PRXL2C: variants seen among roughly 807,000 people sequenced by gnomAD.
The protein encoded by PRXL2C is peroxiredoxin like 2C.
PRXL2C carries 38 observed loss-of-function variants against 24.9 expected under a neutral mutation model. The observed-to-expected ratio is 1.53, with a 90% CI of 1.18 to 2.00. PRXL2C has a LOEUF of 2.00. Ranked by LOEUF, PRXL2C falls within the 30% of genes most tolerant of loss-of-function variation. PRXL2C has a pLI of 0.00. For synonymous variants in PRXL2C, 98 were observed against 117.2 expected (o/e 0.84, Z 1.06); for missense variants, 294 against 290.9 (o/e 1.01, Z -0.08).
At chr9:96,653,965 C>T (rs1453721935) in intron 2 of PRXL2C, among the ~76,000 whole-genome samples, 1 of 152,030 alleles carries the variant, frequency 6.6e-6, no homozygotes, top group African/African-American at 2.4e-5. Flanking sequence ...CTCAGCCTCC[C>T]GAGTAGCTGG....
chr9:96,652,263 G>A (rs76715703), intron 2 of PRXL2C, among the ~76,000 whole-genome samples: 7,610 of 152,230 alleles, frequency 0.05, 633 homozygotes, highest in African/African-American at 0.17. Context: ...GGTGGCTTAC[G>A]CCTGTAATCC....
intron 4 of PRXL2C, among the ~76,000 whole-genome samples, chr9:96,650,261 G>A (rs1287653092): frequency 6.6e-6 from 1 of 152,104 alleles, no homozygotes; most frequent in African/African-American, 2.4e-5. Context: ...TGTCCTCCTG[G>A]GAGCATCCAA....
rs936858948 is a variant in PRXL2C at position 96,655,213 on chromosome 9, G to A, written c.69C>T (p.Gly23=). 9.5e-6 allele frequency: 11 copies of A among 1,161,736 alleles called. No individual in the cohort carries two copies. The highest frequency in any genetic ancestry group is 4.9e-5 in the African/African-American group (3 of 61,532). 72.0% of individuals were successfully genotyped at this position (1,161,736 alleles called of 1,614,324 possible). The change falls in exon 1 of 6, where the codon GGC becomes GGT. Residue 23 remains glycine, a synonymous_variant. Coordinates refer to ENST00000375234, the MANE Select transcript of PRXL2C (RefSeq NM_153698.2). The stretch of plus-strand genomic sequence containing the variant: ...CCGCCAGGGGCTGCCCGCTGTCGGG[G>A]CCGCTCGGGGCCGGGACCAGGGCGG... The part of the protein sequence containing the change: ...GAAALVPAPS[G]PDSGQPLAAA...
intron 4 of PRXL2C, among the ~76,000 whole-genome samples, chr9:96,649,245 C>T (rs1006600236): frequency 1.3e-5 from 2 of 151,702 alleles, no homozygotes; most frequent in Non-Finnish European, 2.9e-5. Context: ...TAGTTCTGAT[C>T]AAGTTTAGGT....
intron 4 of PRXL2C, 141 bp downstream of exon 4, chr9:96,651,249 G>T: frequency 1.6e-6 from 1 of 630,948 alleles, no homozygotes; most frequent in Non-Finnish European, 2.7e-6. Context: ...CTGCACTCCT[G>T]CCCCAGCAAC....
In PRXL2C at chr9:96,645,116, A is replaced by G. The variant is rs377203847; in HGVS notation, c.553+777T>C. Reference sequence around the variant, plus strand: ...AGTAGAGACGGGGTTTCACCGTGTTAGCCAGGATGGTCTTGATCTCCTGAC... The same window carrying G: ...AGTAGAGACGGGGTTTCACCGTGTTGGCCAGGATGGTCTTGATCTCCTGAC... On this transcript the variant is annotated intron_variant, in intron 5 of 5. Coordinates refer to ENST00000375234, the MANE Select transcript of PRXL2C (RefSeq NM_153698.2). Among the ~76,000 whole-genome samples the G allele has an allele frequency of 6.5e-4, 98 of 151,182 alleles. 1 individual carries two copies. The South Asian group carries it at 6.9e-3, about 11-fold the overall frequency.
chr9:96,647,225 T>G (rs1848210195), intron 4 of PRXL2C, among the ~76,000 whole-genome samples: 1 of 152,194 alleles, frequency 6.6e-6, no homozygotes, highest in African/African-American at 2.4e-5. Flanking sequence ...CTATTTCTGT[T>G]ATCACAGTGG....
At chr9:96,643,750 T>C (rs1219893874) in intron 5 of PRXL2C, among the ~76,000 whole-genome samples, 1 of 152,208 alleles carries the variant, frequency 6.6e-6, no homozygotes. Context: ...TATAAATTCA[T>C]GAGAGGGAGG....
intron 4 of PRXL2C, 111 bp from the exon 5 acceptor site, chr9:96,646,135 A>C: frequency 1.6e-6 from 2 of 1,213,874 alleles, no homozygotes; most frequent in South Asian, 1.6e-5. Context: ...ATGGTTTCTC[A>C]ATCTTTTACC....
chr9:96,643,187 G>A (rs1404691800), intron 5 of PRXL2C, among the ~76,000 whole-genome samples: 6 of 152,094 alleles, frequency 3.9e-5, no homozygotes, highest in African/African-American at 1.4e-4. Flanking sequence ...GGATGCTGAG[G>A]GATGACTGAA....
intron 5 of PRXL2C, among the ~76,000 whole-genome samples, chr9:96,644,189 T>C (rs187334491): frequency 2.6e-5 from 4 of 151,292 alleles, no homozygotes; most frequent in Non-Finnish European, 4.4e-5. Flanking sequence ...ATAACTCTTA[T>C]AAGCTATGCT....
At position 96,645,067 on chromosome 9, in the gene PRXL2C, C is replaced by T. The variant is rs1476656879; in HGVS notation, c.553+826G>A. 4.0e-5 allele frequency among the ~76,000 whole-genome samples: 6 copies of T among 151,020 alleles called. No individual in the cohort carries two copies. The East Asian group carries it at 5.9e-4, about 15-fold the overall frequency. Reference sequence around the variant, plus strand: ...GACTACAGGCACCCGCCACCACGTCCGGCTAATTTTTTTTTGTATTTTTAG... The same window carrying T: ...GACTACAGGCACCCGCCACCACGTCTGGCTAATTTTTTTTTGTATTTTTAG... On this transcript the variant is annotated intron_variant, in intron 5 of 5. Transcript: ENST00000375234.
At chr9:96,651,202 C>T (rs576145126) in intron 4 of PRXL2C, among the ~76,000 whole-genome samples, 188 bp downstream of exon 4, 5 of 151,756 alleles carry the variant, frequency 3.3e-5, no homozygotes, top group South Asian at 2.1e-4. Flanking sequence ...CATTCGAACC[C>T]GGGAGGTGGA....
rs189870387 is a variant in PRXL2C, at chr9:96,647,951, G to A, written c.422-1927C>T. Among the ~76,000 whole-genome samples the A allele has an allele frequency of 2.7e-3, 402 of 151,348 alleles. 4 individuals carry two copies. Among genetic ancestry groups the A allele is most frequent in the African/African-American group, 8.6e-3 (354 of 41,206 alleles). On this transcript the variant is annotated intron_variant, in intron 4 of 5. Coordinates refer to ENST00000375234, the MANE Select transcript of PRXL2C (RefSeq NM_153698.2). The stretch of plus-strand genomic sequence containing the variant: ...CAGGGAGTCAATCCGTCACCCAGGC[G>A]GGAGTGCAGTGGCACGATCACTGCT...
intron 5 of PRXL2C, among the ~76,000 whole-genome samples, chr9:96,644,684 A>G (rs1014566766): frequency 1.3e-5 from 2 of 150,978 alleles, no homozygotes; most frequent in Non-Finnish European, 2.9e-5. Flanking sequence ...ATGGGGTTTC[A>G]CCAAGGGCTG....
chr9:96,648,086 A>G, intron 4 of PRXL2C, among the ~76,000 whole-genome samples: 1 of 150,358 alleles, frequency 6.7e-6, no homozygotes, highest in African/African-American at 2.4e-5. Flanking sequence ...ATTTTTTTGT[A>G]GAGACAGGGT....
In PRXL2C at chr9:96,655,148, T is replaced by G; in HGVS notation, c.134A>C (p.Gln45Pro). The change falls in exon 1 of 6, where the codon CAG (glutamine) becomes CCG (proline). Residue 45 changes from glutamine to proline, a missense_variant. Coordinates refer to ENST00000375234, the MANE Select transcript of PRXL2C (RefSeq NM_153698.2). Reference protein sequence around the residue: ...AELPVLDARGQRVPFGALFRE... With the variant: ...AELPVLDARGPRVPFGALFRE... ...GAACAGCGCGCCGAACGGTACCCGC[T>G]GCCCGCGGGCGTCCAGCACCGGCAG... The G allele has an allele frequency of 1.1e-5, 14 of 1,318,560 alleles. No individual in the cohort carries two copies. The highest frequency in any genetic ancestry group is 1.3e-5 in the Non-Finnish European group (14 of 1,039,810). The allele number at this position is 1,318,560 out of a possible 1,614,324, so 81.7% of individuals were successfully genotyped here. A position where few individuals can be genotyped will look rare whatever the true frequency, so the allele number is the denominator to read the frequency against.
chr9:96,654,346 A>G (rs781145382), intron 2 of PRXL2C, among the ~76,000 whole-genome samples: 37 of 152,326 alleles, frequency 2.4e-4, no homozygotes, highest in Non-Finnish European at 2.5e-4. Context: ...TTGCACCTTT[A>G]CGATATATTA....
At chr9:96,649,103 C>T (rs1229081257) in intron 4 of PRXL2C, among the ~76,000 whole-genome samples, 2 of 151,954 alleles carry the variant, frequency 1.3e-5, no homozygotes, top group East Asian at 3.9e-4. Context: ...ACAGACCTTA[C>T]ACATGTTGAG....
Sources: gnomAD v4.1 joint callset for allele counts (sites outside exome capture counted in the v4.1 genomes callset) on GRCh38, gnomAD v4.1.1 for gene constraint, MANE v1.5 for transcripts, NCBI Gene and HGNC (gene_info 2026-07-23, HGNC 2026-07-21) for gene names.